Variants in MACROD2 observed in about 807,000 individuals in gnomAD.
MACROD2 encodes mono-ADP ribosylhydrolase 2.
A neutral mutation model predicts 70.4 loss-of-function variants in MACROD2; 36 were observed. The observed-to-expected ratio is 0.51, with a 90% CI of 0.39 to 0.68. The LOEUF is 0.68. Ranked by LOEUF, MACROD2 falls within the 30% of genes least tolerant of loss-of-function variation. MACROD2 has a pLI of 0.00. For missense variants in MACROD2, 496 were observed against 538.4 expected, an observed-to-expected ratio of 0.92 and a Z score of 0.78; for synonymous variants, 172 against 178.8, an observed-to-expected ratio of 0.96 and a Z score of 0.30.
intron 5 of MACROD2, among the ~76,000 whole-genome samples, chr20:14,857,710 A>G (rs1303852487): frequency 2.6e-5 from 4 of 152,208 alleles, no homozygotes; most frequent in African/African-American, 9.6e-5. Context: ...ATACTAATTT[A>G]AAGGAATTCT....
At chr20:15,507,534 T>C (rs946923362) in intron 8 of MACROD2, among the ~76,000 whole-genome samples, 1 of 151,596 alleles carries the variant, frequency 6.6e-6, no homozygotes, top group African/African-American at 2.4e-5. Context: ...TTTCTTTTCT[T>C]CCCCCCACCA....
At chr20:15,093,655 G>C (rs1299307262) in intron 5 of MACROD2, among the ~76,000 whole-genome samples, 1 of 152,032 alleles carries the variant, frequency 6.6e-6, no homozygotes, top group Non-Finnish European at 1.5e-5. Flanking sequence ...TAAATTCAAA[G>C]TTTTCTTTAT....
intron 13 of MACROD2, among the ~76,000 whole-genome samples, chr20:15,982,974 G>A (rs1322420401): frequency 2.6e-5 from 4 of 152,176 alleles, no homozygotes; most frequent in African/African-American, 4.8e-5. Context: ...TTACAGTCTG[G>A]GTTAAAACTT....
intron 5 of MACROD2, among the ~76,000 whole-genome samples, chr20:14,820,978 T>C (rs2072837628): frequency 6.6e-6 from 1 of 152,034 alleles, no homozygotes; most frequent in Non-Finnish European, 1.5e-5. Context: ...CATGAATAGT[T>C]AGGAAACCAG....
At position 15,126,870 on chromosome 20, in the gene MACROD2, T is replaced by C. The variant is rs569074601; in HGVS notation, c.419-103070T>C. ...AAAATCTAAGTTGAAGCTTAGTATC[T>C]GCTACAGTTGTTTAGAAATTAGGTC... On this transcript the variant is annotated intron_variant, in intron 5 of 17. Coordinates refer to ENST00000684519, the MANE Select transcript of MACROD2 (RefSeq NM_001351661.2). Among the ~76,000 whole-genome samples the C allele has an allele frequency of 9.9e-5, 15 of 152,274 alleles. No homozygotes were observed. The East Asian group carries it at 2.9e-3, about 29-fold the overall frequency.
intron 3 of MACROD2, among the ~76,000 whole-genome samples, chr20:14,193,392 G>A (rs2081403782): frequency 6.6e-6 from 1 of 152,190 alleles, no homozygotes; most frequent in Non-Finnish European, 1.5e-5. Context: ...CAAAACAGTA[G>A]ATGTCCACTA....
At chr20:14,076,086 A>G (rs1569147698) in intron 2 of MACROD2, among the ~76,000 whole-genome samples, 1 of 152,224 alleles carries the variant, frequency 6.6e-6, no homozygotes, top group African/African-American at 2.4e-5. Context: ...AGATAAAACT[A>G]TATTACTTTG....
intron 8 of MACROD2, among the ~76,000 whole-genome samples, chr20:15,638,243 C>T (rs767618171): frequency 6.0e-4 from 91 of 152,148 alleles, no homozygotes; most frequent in Non-Finnish European, 1.1e-3. Flanking sequence ...CCCCCTTTGC[C>T]CTCTCACCAG....
At chr20:14,010,821 C>G (rs1000056200) in intron 2 of MACROD2, among the ~76,000 whole-genome samples, 6 of 152,122 alleles carry the variant, frequency 3.9e-5, no homozygotes, top group African/African-American at 1.4e-4. Flanking sequence ...TATTCCCAGT[C>G]TCTTTCATGA....
chr20:14,568,483 C>T (rs768402534), intron 4 of MACROD2, among the ~76,000 whole-genome samples: 1 of 151,996 alleles, frequency 6.6e-6, no homozygotes. Flanking sequence ...GCAAAGCATT[C>T]ATGAAGATTT....
chr20:14,264,020 CACACACAA>C (rs1337442375), intron 3 of MACROD2, among the ~76,000 whole-genome samples: 1 of 106,194 alleles, frequency 9.4e-6, no homozygotes, highest in Non-Finnish European at 2.1e-5. Context: ...CACACACACA[CACACACAA>C]CACAAGTGAA....
At chr20:14,078,815 T>C (rs1160088117) in intron 2 of MACROD2, among the ~76,000 whole-genome samples, 1 of 152,234 alleles carries the variant, frequency 6.6e-6, no homozygotes, top group African/African-American at 2.4e-5. Flanking sequence ...TTGTTTGATA[T>C]ATTAAATTAT....
At chr20:14,149,221 A>G (rs1022805962) in intron 3 of MACROD2, among the ~76,000 whole-genome samples, 29 of 144,870 alleles carry the variant, frequency 2.0e-4, no homozygotes, top group African/African-American at 7.1e-4. Flanking sequence ...CCCAATGTTT[A>G]GCTCCCACTT....
At chr20:15,094,770 A>G (rs2075816529) in intron 5 of MACROD2, among the ~76,000 whole-genome samples, 1 of 152,172 alleles carries the variant, frequency 6.6e-6, no homozygotes, top group South Asian at 2.1e-4. Context: ...AAAATAAAAA[A>G]CACAGGAACA....
intron 3 of MACROD2, among the ~76,000 whole-genome samples, chr20:14,290,663 C>G (rs2082378826): frequency 6.6e-6 from 1 of 152,186 alleles, no homozygotes; most frequent in African/African-American, 2.4e-5. Context: ...GCATGTGCCA[C>G]CACACCTGGC....
intron 4 of MACROD2, among the ~76,000 whole-genome samples, chr20:14,599,347 TAGG>T: frequency 6.6e-6 from 1 of 151,964 alleles, no homozygotes; most frequent in African/African-American, 2.4e-5. Context: ...TGGTGGGAGA[TAGG>T]AGAATGATTA....
intron 10 of MACROD2, among the ~76,000 whole-genome samples, chr20:15,889,085 C>T (rs1057375533): frequency 6.6e-6 from 1 of 152,140 alleles, no homozygotes; most frequent in South Asian, 2.1e-4. Context: ...ACTTGAATAC[C>T]TAAACCCACT....
At chr20:14,083,256 A>AC (rs1389201638) in intron 2 of MACROD2, among the ~76,000 whole-genome samples, 3 of 151,506 alleles carry the variant, frequency 2.0e-5, no homozygotes, top group Non-Finnish European at 4.4e-5. Flanking sequence ...ACATGGTGAA[A>AC]CCCCCTCTCT....
intron 7 of MACROD2, among the ~76,000 whole-genome samples, chr20:15,456,364 C>A (rs141042195): frequency 2.9e-3 from 443 of 152,294 alleles, no homozygotes; most frequent in Non-Finnish European, 4.4e-3. Context: ...GAGTTCTCTT[C>A]TGCTGATCAT....
Sources: allele counts gnomAD v4.1 joint callset (sites outside exome capture counted in the v4.1 genomes callset), GRCh38; gene constraint gnomAD v4.1.1; transcripts MANE v1.5; gene names NCBI Gene and HGNC (gene_info 2026-07-23, HGNC 2026-07-21).